Variants in CDH23 observed in about 807,000 individuals in gnomAD.
The protein encoded by CDH23 is cadherin related 23.
A neutral mutation model predicts 317.1 loss-of-function variants in CDH23; 189 were observed. The ratio of observed to expected loss-of-function variants is 0.60; its 90% CI spans 0.53 to 0.67. CDH23 has a LOEUF of 0.67. CDH23 is among the 30% of genes least tolerant of loss of function. The probability of loss-of-function intolerance (pLI) is 0.00; values close to 1 mark genes in which losing one functional copy is unlikely to be tolerated. For synonymous variants in CDH23, 1,839 were observed against 1,876.8 expected (o/e 0.98, Z 0.52); for missense variants, 4,401 against 4,592.4 (o/e 0.96, Z 1.20).
At chr10:71,705,389 AC>A (rs1473196437) in intron 25 of CDH23, among the ~76,000 whole-genome samples, 2 of 151,352 alleles carry the variant, frequency 1.3e-5, no homozygotes, top group Non-Finnish European at 2.9e-5. Context: ...CATCAACCCC[AC>A]CCCTCCTAGC....
intron 14 of CDH23, among the ~76,000 whole-genome samples, chr10:71,654,650 G>A (rs1436044818): frequency 6.6e-6 from 1 of 152,190 alleles, no homozygotes; most frequent in African/African-American, 2.4e-5. Flanking sequence ...TTCTGATGGT[G>A]TTCTCACCCT....
intron 46 of CDH23, 46 bp from the exon 47 acceptor site, chr10:71,791,086 C>T: frequency 1.3e-6 from 2 of 1,497,510 alleles, no homozygotes; most frequent in South Asian, 1.2e-5. Context: ...CTTCCCACCG[C>T]ACCCCTTTTC....
chr10:71,587,382 A>G (rs1238306528), intron 9 of CDH23, among the ~76,000 whole-genome samples: 3 of 152,200 alleles, frequency 2.0e-5, no homozygotes, highest in Non-Finnish European at 4.4e-5. Context: ...GTGAGTACTT[A>G]TTGAGTGGCT....
In CDH23 at chr10:71,760,247, G is replaced by A. The variant is rs866501217; in HGVS notation, c.4846-17433G>A. ...TATATATATGTATATACATATATAT[G>A]TATGTATATATATGTATATACATAT... On this transcript the variant is annotated intron_variant, in intron 38 of 69. Transcript: ENST00000224721. 3.2e-4 allele frequency among the ~76,000 whole-genome samples: 4 copies of A among 12,406 alleles called. 1 individual carries two copies. The highest frequency in any genetic ancestry group is 6.0e-4 in the Non-Finnish European group (2 of 3,354). The allele number at this position is 12,406 out of a possible 152,430, so 8.1% of individuals were successfully genotyped here. A position where few individuals can be genotyped will look rare whatever the true frequency, so the allele number is the denominator to read the frequency against.
intron 12 of CDH23, chr10:71,645,595 G>A (rs1461737023): frequency 1.4e-6 from 1 of 715,152 alleles, no homozygotes; most frequent in Non-Finnish European, 2.6e-6. Context: ...GTGGGCATCC[G>A]ACAGCACAAG....
chr10:71,462,864 C>G (rs1851072056), intron 3 of CDH23, among the ~76,000 whole-genome samples: 1 of 152,220 alleles, frequency 6.6e-6, no homozygotes. Context: ...CCCACTCAAT[C>G]TTCAGACACA....
At chr10:71,605,397 C>T (rs547684758) in intron 9 of CDH23, among the ~76,000 whole-genome samples, 1 of 152,278 alleles carries the variant, frequency 6.6e-6, no homozygotes, top group African/African-American at 2.4e-5. Context: ...ATTGTCATAT[C>T]TGGGGGAAAG....
intron 6 of CDH23, among the ~76,000 whole-genome samples, chr10:71,551,622 A>G (rs555713512): frequency 2.6e-5 from 4 of 152,290 alleles, no homozygotes; most frequent in African/African-American, 9.6e-5. Flanking sequence ...AAAGCCTTCC[A>G]GCAGGGAGCA....
At chr10:71,500,129 T>C (rs1484697113) in intron 3 of CDH23, among the ~76,000 whole-genome samples, 1 of 152,142 alleles carries the variant, frequency 6.6e-6, no homozygotes, top group Non-Finnish European at 1.5e-5. Context: ...TCTGAAGTGT[T>C]CTCAACACAA....
chr10:71,803,499 CT>C, intron 55 of CDH23, 79 bp downstream of exon 55: 6 of 1,309,826 alleles, frequency 4.6e-6, no homozygotes, highest in African/African-American at 1.5e-5. Flanking sequence ...AAGCACCCCA[CT>C]CTAAAGGTGG....
At chr10:71,810,131 C>T (rs755065494) in intron 61 of CDH23, 55 bp downstream of exon 61, 17 of 1,593,082 alleles carry the variant, frequency 1.1e-5, no homozygotes, top group Admixed American at 3.4e-5. Flanking sequence ...GAAGGGGAGG[C>T]CAGGCCACAA....
rs565970748 is a variant in CDH23 at position 71,648,923 on chromosome 10, G to A, written c.1449+2306G>A. On this transcript the variant is annotated intron_variant, in intron 14 of 69. Coordinates refer to ENST00000224721, the MANE Select transcript of CDH23 (RefSeq NM_022124.6). ...AGGTAACAGCTCTCACAGCAGGACCGTGTGCCTAAAGGAGTTCAGGCCCTG... is the reference window on the plus strand; with the variant it reads ...AGGTAACAGCTCTCACAGCAGGACCATGTGCCTAAAGGAGTTCAGGCCCTG... Among the ~76,000 whole-genome samples, 47 of 152,284 alleles carry A rather than the reference G, an allele frequency of 3.1e-4. 2 individuals carry two copies. In the South Asian group the frequency reaches 9.1e-3, roughly 30 times the overall value.
chr10:71,695,997 T>C (rs1250943718), intron 22 of CDH23, among the ~76,000 whole-genome samples: 5 of 152,230 alleles, frequency 3.3e-5, no homozygotes, highest in Non-Finnish European at 7.3e-5. Flanking sequence ...AGGGGTTTTG[T>C]TCACCTCAGG....
At chr10:71,746,934 C>A (rs1216654000) in intron 38 of CDH23, among the ~76,000 whole-genome samples, 2 of 152,192 alleles carry the variant, frequency 1.3e-5, no homozygotes, top group Non-Finnish European at 2.9e-5. Flanking sequence ...CACCTCATGT[C>A]TTTAGAGCAG....
chr10:71,533,092 C>T lies in CDH23; in HGVS notation c.429+21880C>T, dbSNP rs945345325. 8.5e-5 allele frequency among the ~76,000 whole-genome samples: 13 copies of T among 152,178 alleles called. 1 individual carries two copies. The highest frequency in any genetic ancestry group is 2.7e-4 in the African/African-American group (11 of 41,458). ...TATCTGGCACTGTGGGTGTGACACT[C>T]TCCCTGTGTTCTGGCCTCTGCTGGG... is the stretch of plus-strand genomic sequence containing the variant. On this transcript the variant is annotated intron_variant, in intron 6 of 69. Coordinates refer to ENST00000224721, the MANE Select transcript of CDH23 (RefSeq NM_022124.6).
intron 28 of CDH23, chr10:71,715,742 G>T: frequency 2.1e-6 from 1 of 475,454 alleles, no homozygotes; most frequent in Non-Finnish European, 3.7e-6. Flanking sequence ...GGTCTGCAGA[G>T]AGGAAGGTGC....
Position 71,815,044 on chromosome 10 carries a change from G to C in CDH23, c.9831G>C (p.Lys3277Asn). The change falls in exon 70 of 70, where the codon AAG becomes AAC. Residue 3277 changes from lysine (K) to asparagine (N), a missense_variant. Lys to Asn is a moderately conservative substitution (Grantham distance 94, BLOSUM62 0). Around this residue, in one of 3 missense-constraint regions of CDH23, gnomAD observed 1,144 missense variants for 1,138.2 expected, o/e 1.01. Coordinates refer to ENST00000224721, the MANE Select transcript of CDH23 (RefSeq NM_022124.6). ...GCCACAAGCCACCAGTGGAGCTCAA[G>C]GGGCCCGATGGGATCCATGTGGTGC... The part of the protein sequence containing the change: ...RFRHKPPVEL[K>N]GPDGIHVVHG... The C allele has an allele frequency of 6.2e-7, 1 of 1,612,528 alleles. No individual in the cohort carries two copies. The highest frequency in any genetic ancestry group is 8.5e-7 in the Non-Finnish European group (1 of 1,179,646).
chr10:71,576,580 C>A (rs1858217282), intron 8 of CDH23, among the ~76,000 whole-genome samples: 1 of 152,052 alleles, frequency 6.6e-6, no homozygotes, highest in African/African-American at 2.4e-5. Context: ...CACAAGAGCC[C>A]TTCATTAGCC....
intron 11 of CDH23, among the ~76,000 whole-genome samples, chr10:71,637,238 A>G (rs916352676): frequency 1.3e-5 from 2 of 152,178 alleles, no homozygotes; most frequent in African/African-American, 4.8e-5. Context: ...GAAGGAGGGA[A>G]ACCTGCGCCC....
Sources: gnomAD v4.1 joint callset for allele counts (sites outside exome capture counted in the v4.1 genomes callset) on GRCh38, gnomAD v4.1.1 for gene constraint, gnomAD v4.1.1 regional missense constraint, MANE v1.5 for transcripts, NCBI Gene and HGNC (gene_info 2026-07-23, HGNC 2026-07-21) for gene names.